DPYD: variants seen among roughly 807,000 people sequenced by gnomAD.
DPYD encodes the protein dihydropyrimidine dehydrogenase [NADP(+)].
DPYD carries 109 observed loss-of-function variants against 116.2 expected under a neutral mutation model. The observed-to-expected ratio is 0.94, with a 90% CI of 0.80 to 1.10. The LOEUF (loss-of-function observed/expected upper bound fraction) is 1.10. Among genes scored for constraint, DPYD ranks in the 50% least tolerant of loss-of-function variants. DPYD has a pLI of 0.00. For synonymous variants in DPYD, 440 were observed against 432.0 expected, an observed-to-expected ratio of 1.02 and a Z score of -0.23; for missense variants, 1,302 against 1,254.5, an observed-to-expected ratio of 1.04 and a Z score of -0.57.
intron 14 of DPYD, among the ~76,000 whole-genome samples, chr1:97,431,921 T>A (rs1389170414): frequency 6.6e-6 from 1 of 152,128 alleles, no homozygotes; most frequent in Admixed American, 6.6e-5. Flanking sequence ...CTCCATGAGA[T>A]CAGTTTTTTA....
chr1:97,367,010 G>T (rs1207589812), intron 16 of DPYD, among the ~76,000 whole-genome samples: 1 of 152,056 alleles, frequency 6.6e-6, no homozygotes, highest in Admixed American at 6.6e-5. Flanking sequence ...ATCTATGGGG[G>T]TCTGATCCAA....
intron 16 of DPYD, among the ~76,000 whole-genome samples, chr1:97,359,307 T>C (rs1670591776): frequency 6.6e-6 from 1 of 152,170 alleles, no homozygotes. Context: ...TATGGGACTC[T>C]GTGAAAATAT....
chr1:97,127,547 A>G (rs1256322795), intron 20 of DPYD, among the ~76,000 whole-genome samples: 1 of 152,086 alleles, frequency 6.6e-6, no homozygotes, highest in Non-Finnish European at 1.5e-5. Flanking sequence ...GACATTCTAA[A>G]TAATTCTAGA....
At chr1:97,314,859 G>C (rs1319620704) in intron 16 of DPYD, among the ~76,000 whole-genome samples, 1 of 151,920 alleles carries the variant, frequency 6.6e-6, no homozygotes, top group African/African-American at 2.4e-5. Context: ...AACACCTTCT[G>C]CCCACAGTTT....
chr1:97,779,651 A>G (rs922675222), intron 3 of DPYD, among the ~76,000 whole-genome samples: 7 of 152,138 alleles, frequency 4.6e-5, no homozygotes, highest in African/African-American at 1.2e-4. Flanking sequence ...ATTAGTTGCT[A>G]AAGTACTTAC....
chr1:97,735,717 A>C (rs1663900387), intron 4 of DPYD, among the ~76,000 whole-genome samples: 1 of 149,476 alleles, frequency 6.7e-6, no homozygotes, highest in African/African-American at 2.4e-5. Flanking sequence ...TAAATAAATA[A>C]ATAAATAAAT....
At chr1:97,576,177 T>C (rs905336217) in intron 10 of DPYD, among the ~76,000 whole-genome samples, 1 of 152,202 alleles carries the variant, frequency 6.6e-6, no homozygotes, top group African/African-American at 2.4e-5. Flanking sequence ...TTGTGCCACA[T>C]ATCACCTTAT....
Position 97,553,630 on chromosome 1 carries a change from G to C in DPYD, c.1340-3886C>G, listed in dbSNP as rs543655281. 9.9e-5 allele frequency among the ~76,000 whole-genome samples: 15 copies of C among 152,172 alleles called. No homozygotes were observed. The South Asian group carries it at 3.1e-3, about 32-fold the overall frequency. On this transcript the variant is annotated intron_variant, in intron 11 of 22. Transcript: ENST00000370192. ...AACTGCTTGCCATTTCCTCTGAAGT[G>C]TTAAATGAATATTAATAGAAGGATT...
intron 19 of DPYD, among the ~76,000 whole-genome samples, chr1:97,229,203 C>CA (rs34445661): frequency 0.092 from 5,382 of 58,254 alleles, 216 homozygotes; most frequent in South Asian, 0.14. Context: ...GACTCCTTCT[C>CA]AAAAAAAAAA....
intron 1 of DPYD, among the ~76,000 whole-genome samples, chr1:97,910,322 TA>T (rs544974365): frequency 2.6e-4 from 40 of 152,144 alleles, no homozygotes; most frequent in African/African-American, 9.1e-4. Flanking sequence ...ATTTTAGATT[TA>T]AAAAAAGAGA....
At chr1:97,608,560 A>C (rs538872100) in intron 8 of DPYD, among the ~76,000 whole-genome samples, 1 of 151,990 alleles carries the variant, frequency 6.6e-6, no homozygotes, top group South Asian at 2.1e-4. Context: ...TAGCTTTGTG[A>C]TGTATGGCAA....
At chr1:97,634,175 T>C (rs1657429813) in intron 8 of DPYD, among the ~76,000 whole-genome samples, 1 of 151,984 alleles carries the variant, frequency 6.6e-6, no homozygotes, top group African/African-American at 2.4e-5. Context: ...GAAGGACAGT[T>C]TATAGATGAG....
chr1:97,531,995 T>C (rs1649660868), intron 12 of DPYD, among the ~76,000 whole-genome samples: 1 of 152,076 alleles, frequency 6.6e-6, no homozygotes, highest in South Asian at 2.1e-4. Flanking sequence ...ATTTGTTTAT[T>C]AGATCTCCAG....
At chr1:97,239,869 G>C (rs1433017330) in intron 18 of DPYD, among the ~76,000 whole-genome samples, 1 of 151,920 alleles carries the variant, frequency 6.6e-6, no homozygotes, top group South Asian at 2.1e-4. Flanking sequence ...CTGTTTTGAA[G>C]AATAAATTAC....
At chr1:97,243,879 T>G (rs972889295) in intron 18 of DPYD, among the ~76,000 whole-genome samples, 1 of 151,900 alleles carries the variant, frequency 6.6e-6, no homozygotes, top group African/African-American at 2.4e-5. Context: ...GTTCAGATGA[T>G]AAATTATAAA....
Position 97,718,016 on chromosome 1 carries a change from C to T in DPYD, c.483+3494G>A, listed in dbSNP as rs1267439311. Among the ~76,000 whole-genome samples the T allele has an allele frequency of 4.5e-4, 68 of 152,012 alleles. 1 individual carries two copies. Among genetic ancestry groups the T allele is most frequent in the Non-Finnish European group, 5.9e-5 (4 of 67,986 alleles). ...AGGATTGCTGGATCCAACGTTAGAT[C>T]AACTTTTAGTGCTTTAAGAAATTTC... On this transcript the variant is annotated intron_variant, in intron 5 of 22. Transcript: ENST00000370192.
rs746626477 is a variant in DPYD at position 97,301,979 on chromosome 1, C to A, written c.2299+3280G>T. On this transcript the variant is annotated intron_variant, in intron 18 of 22. Transcript: ENST00000370192. The stretch of plus-strand genomic sequence containing the variant: ...TTAAACTGGGAAAAATAATGGGTCA[C>A]GCAGTCAAGGATGGAGTTTATAATT... Among the ~76,000 whole-genome samples the A allele has an allele frequency of 2.6e-5, 4 of 151,902 alleles. No individual in the cohort carries two copies. In the East Asian group the frequency reaches 7.7e-4, roughly 29 times the overall value.
intron 8 of DPYD, among the ~76,000 whole-genome samples, chr1:97,651,603 C>A (rs562853387): frequency 6.6e-6 from 1 of 152,208 alleles, no homozygotes; most frequent in East Asian, 1.9e-4. Flanking sequence ...CTGGTTACAC[C>A]CTGACCCCAC....
chr1:97,405,149 C>G (rs1270506546), intron 14 of DPYD, among the ~76,000 whole-genome samples: 1 of 151,968 alleles, frequency 6.6e-6, no homozygotes, highest in African/African-American at 2.4e-5. Context: ...TACATAAGCA[C>G]ATATATTATA....
Sources: allele counts gnomAD v4.1 joint callset (sites outside exome capture counted in the v4.1 genomes callset), GRCh38; gene constraint gnomAD v4.1.1; transcripts MANE v1.5; gene names NCBI Gene and HGNC (gene_info 2026-07-23, HGNC 2026-07-21).